Variants in CDH12 observed in about 807,000 individuals in gnomAD.
CDH12 encodes cadherin 12, also known as cadherin-12.
Under a neutral mutation model 74.1 loss-of-function variants are expected in CDH12, and 41 were observed. That is an observed-to-expected ratio of 0.55 (90% confidence interval 0.43 to 0.72). The LOEUF (loss-of-function observed/expected upper bound fraction) is 0.72, where lower values mean the gene tolerates loss of function less well. Among genes scored for constraint, CDH12 ranks in the 30% least tolerant of loss-of-function variants. CDH12 has a pLI of 0.00. For missense variants in CDH12, 945 were observed against 977.2 expected, an observed-to-expected ratio of 0.97 and a Z score of 0.44; for synonymous variants, 399 against 355.0, an observed-to-expected ratio of 1.12 and a Z score of -1.39.
intron 3 of CDH12, among the ~76,000 whole-genome samples, chr5:22,360,707 C>A (rs528677561): frequency 6.6e-6 from 1 of 152,262 alleles, no homozygotes; most frequent in South Asian, 2.1e-4. Flanking sequence ...CTGAATCCAG[C>A]AGCATGTCAA....
chr5:22,119,931 G>A (rs1745405929), intron 4 of CDH12, among the ~76,000 whole-genome samples: 1 of 152,078 alleles, frequency 6.6e-6, no homozygotes, highest in Non-Finnish European at 1.5e-5. Context: ...CATTAAAGAG[G>A]AGACAATTTG....
intron 1 of CDH12, among the ~76,000 whole-genome samples, chr5:22,567,912 C>A (rs1173758192): frequency 3.3e-5 from 5 of 152,186 alleles, no homozygotes; most frequent in Non-Finnish European, 7.4e-5. Context: ...CCTGGTCAAT[C>A]CCAGTGTGTA....
intron 2 of CDH12, among the ~76,000 whole-genome samples, chr5:22,445,116 C>T (rs1016309706): frequency 1.3e-5 from 2 of 151,756 alleles, no homozygotes; most frequent in Admixed American, 6.6e-5. Context: ...ATGCACACAC[C>T]CCAAATACTT....
At chr5:22,291,154 G>A (rs975506317) in intron 3 of CDH12, among the ~76,000 whole-genome samples, 3 of 152,052 alleles carry the variant, frequency 2.0e-5, no homozygotes, top group Non-Finnish European at 2.9e-5. Context: ...AAAAGCATTT[G>A]ACAAAATTCA....
In CDH12 at chr5:22,351,535, C is replaced by G. The variant is rs1740355014; in HGVS notation, c.-333+53722G>C. ...ATAGTGTTTCAAAATGGTATGTCATCTGTCACTTTGAAATTAATTTATTAA... is the reference window on the plus strand; with the variant it reads ...ATAGTGTTTCAAAATGGTATGTCATGTGTCACTTTGAAATTAATTTATTAA... On this transcript the variant is annotated intron_variant, in intron 3 of 14. Transcript: ENST00000382254. Among the ~76,000 whole-genome samples the G allele has an allele frequency of 3.9e-5, 6 of 152,108 alleles. No individual in the cohort carries two copies. The South Asian group carries it at 1.2e-3, about 32-fold the overall frequency.
intron 4 of CDH12, among the ~76,000 whole-genome samples, chr5:22,086,623 C>T (rs1326642421): frequency 1.8e-4 from 28 of 151,984 alleles, no homozygotes; most frequent in Admixed American, 1.4e-3. Context: ...TCCCAAAGTG[C>T]TGGGATTACA....
chr5:22,074,521 C>T (rs1302916731), intron 5 of CDH12, among the ~76,000 whole-genome samples: 1 of 152,102 alleles, frequency 6.6e-6, no homozygotes, highest in African/African-American at 2.4e-5. Context: ...TCAGAGTGAA[C>T]AGACAACCTA....
chr5:22,102,540 T>C (rs1744194593), intron 4 of CDH12, among the ~76,000 whole-genome samples: 1 of 151,890 alleles, frequency 6.6e-6, no homozygotes, highest in Non-Finnish European at 1.5e-5. Flanking sequence ...ATGGTGGCGG[T>C]CACTTGTAGT....
intron 5 of CDH12, among the ~76,000 whole-genome samples, chr5:22,018,227 A>C (rs1338732244): frequency 6.6e-6 from 1 of 152,190 alleles, no homozygotes. Context: ...AGTTTGTCTC[A>C]ATTTCCCTCT....
At chr5:22,666,282 C>CTTTTTTT (rs1161509257) in intron 1 of CDH12, among the ~76,000 whole-genome samples, 29 of 83,528 alleles carry the variant, frequency 3.5e-4, no homozygotes, top group South Asian at 9.2e-4. Flanking sequence ...ATCTCTCTAT[C>CTTTTTTT]TTTTTTTTTT....
At chr5:22,155,102 T>C (rs1580335212) in intron 4 of CDH12, among the ~76,000 whole-genome samples, 2 of 152,278 alleles carry the variant, frequency 1.3e-5, no homozygotes, top group East Asian at 3.9e-4. Context: ...TGCCCTCATA[T>C]TGAATCCATA....
At chr5:21,953,772 G>A (rs1440909150) in intron 6 of CDH12, among the ~76,000 whole-genome samples, 1 of 152,036 alleles carries the variant, frequency 6.6e-6, no homozygotes, top group African/African-American at 2.4e-5. Flanking sequence ...TGTAGATTCT[G>A]TCCAATCCTT....
chr5:22,239,787 G>A (rs1226147891), intron 3 of CDH12, among the ~76,000 whole-genome samples: 4 of 152,154 alleles, frequency 2.6e-5, no homozygotes, highest in Non-Finnish European at 5.9e-5. Context: ...ATTAGAGGGT[G>A]TTGAGCTAGT....
chr5:22,819,765 T>A (rs1298556214), intron 1 of CDH12, among the ~76,000 whole-genome samples: 1 of 149,928 alleles, frequency 6.7e-6, no homozygotes, highest in Non-Finnish European at 1.5e-5. Context: ...GAACTCAAAA[T>A]CAGAATAAAT....
At chr5:22,514,222 T>C (rs1736719746) in intron 1 of CDH12, among the ~76,000 whole-genome samples, 1 of 151,750 alleles carries the variant, frequency 6.6e-6, no homozygotes. Context: ...ACCTTTAAAA[T>C]CACACTGAAG....
chr5:22,173,236 G>A (rs1488789063), intron 4 of CDH12, among the ~76,000 whole-genome samples: 6 of 146,144 alleles, frequency 4.1e-5, no homozygotes, highest in Non-Finnish European at 9.0e-5. Context: ...TATATGATTT[G>A]TTATATAATT....
chr5:22,245,032 A>G (rs1345077687), intron 3 of CDH12, among the ~76,000 whole-genome samples: 6 of 152,178 alleles, frequency 3.9e-5, no homozygotes, highest in African/African-American at 1.4e-4. Flanking sequence ...CGCAGCAGCC[A>G]GGGCACTGCG....
intron 1 of CDH12, among the ~76,000 whole-genome samples, chr5:22,763,935 G>C (rs977185303): frequency 6.6e-6 from 1 of 151,844 alleles, no homozygotes; most frequent in African/African-American, 2.4e-5. Flanking sequence ...ATTGGCTAAA[G>C]TATAAAATAT....
Position 22,046,880 on chromosome 5 carries a change from A to T in CDH12, c.231+31566T>A, listed in dbSNP as rs532302650. ...CGTCATGTTTCCTATGTTTTATTTCATGAAGGTGCTATAAATCCACTTGGT... is the reference window on the plus strand; with the variant it reads ...CGTCATGTTTCCTATGTTTTATTTCTTGAAGGTGCTATAAATCCACTTGGT... On this transcript the variant is annotated intron_variant, in intron 5 of 14. Transcript: ENST00000382254. 2.0e-5 allele frequency among the ~76,000 whole-genome samples: 3 copies of T among 152,212 alleles called. No homozygotes were observed. In the East Asian group the frequency reaches 5.8e-4, roughly 29 times the overall value.
Sources: gnomAD v4.1 joint callset for allele counts (sites outside exome capture counted in the v4.1 genomes callset) on GRCh38, gnomAD v4.1.1 for gene constraint, MANE v1.5 for transcripts, NCBI Gene and HGNC (gene_info 2026-07-23, HGNC 2026-07-21) for gene names.